Variants in IL1RL1 observed in about 807,000 individuals in gnomAD.
IL1RL1 encodes interleukin-1 receptor-like 1.
Under a neutral mutation model 50.9 loss-of-function variants are expected in IL1RL1, and 32 were observed. The observed-to-expected ratio is 0.63, with a 90% CI of 0.47 to 0.84. The LOEUF (loss-of-function observed/expected upper bound fraction) is 0.84, where lower values mean the gene tolerates loss of function less well. Ranked by LOEUF, IL1RL1 falls within the 40% of genes least tolerant of loss-of-function variation. The pLI is 0.00. For synonymous variants in IL1RL1, 275 were observed against 236.0 expected, an observed-to-expected ratio of 1.17 and a Z score of -1.51; for missense variants, 773 against 662.9, an observed-to-expected ratio of 1.17 and a Z score of -1.82.
chr2:102,331,523 T>C (rs1465714319), intron 1 of IL1RL1, among the ~76,000 whole-genome samples: 2 of 152,240 alleles, frequency 1.3e-5, no homozygotes, highest in Non-Finnish European at 2.9e-5. Context: ...TTCCTGAGTG[T>C]CTGCAGTCCA....
intron 1 of IL1RL1, among the ~76,000 whole-genome samples, 198 bp downstream of exon 1, chr2:102,311,821 A>G (rs1676482447): frequency 1.0e-5 from 1 of 98,584 alleles, no homozygotes; most frequent in Admixed American, 1.6e-4. Flanking sequence ...TAATACAATT[A>G]TATAATATAT....
chr2:102,311,569 T>C lies in IL1RL1; in HGVS notation c.-204T>C, dbSNP rs1426848951. 2 of 151,214 alleles carry C rather than the reference T, an allele frequency of 1.3e-5. No individual in the cohort carries two copies. Among genetic ancestry groups the C allele is most frequent in the Non-Finnish European group, 2.9e-5 (2 of 67,926 alleles). 9.4% of individuals were successfully genotyped at this position (151,214 alleles called of 1,614,324 possible). ...TAAGAGAAATTGGCTTTCTGAGTTG[T>C]GAAACTGTGGGCAGAAAGTTGAGGA... On this transcript the variant is annotated 5_prime_UTR_variant, in exon 1 of 11. Coordinates refer to ENST00000233954, the MANE Select transcript of IL1RL1 (RefSeq NM_016232.5).
At chr2:102,311,929 ATATT>A (rs1559592017) in intron 1 of IL1RL1, among the ~76,000 whole-genome samples, 5,656 of 51,450 alleles carry the variant, frequency 0.11, 768 homozygotes, top group Middle Eastern at 0.44. Flanking sequence ...TATATAATAT[ATATT>A]ATATATAATA....
In IL1RL1 at chr2:102,340,848, G is replaced by A. The variant is rs2104987995; in HGVS notation, c.610+20G>A. ...TCAAGGGTAAGCTACTGACATTAAT[G>A]AGATAGAATACTACGTGAAAGAAGT... is the stretch of plus-strand genomic sequence containing the variant. On this transcript the variant is annotated intron_variant, in intron 5 of 10. Coordinates refer to ENST00000233954, the MANE Select transcript of IL1RL1 (RefSeq NM_016232.5). The A allele has an allele frequency of 3.2e-6, 5 of 1,541,508 alleles. No individual in the cohort carries two copies. Among genetic ancestry groups the A allele is most frequent in the Non-Finnish European group, 4.3e-6 (5 of 1,152,382 alleles).
At chr2:102,311,859 T>TTATATAATATATATTATATAATATAA (rs1553659724) in intron 1 of IL1RL1, among the ~76,000 whole-genome samples, 1 of 45,544 alleles carries the variant, frequency 2.2e-5, no homozygotes, top group Non-Finnish European at 4.4e-5. Flanking sequence ...TATAATATAA[T>TTATATAATATATATTATATAATATAA]TATATAATAT....
At chr2:102,344,887 G>A in intron 8 of IL1RL1, 1 of 972,838 alleles carries the variant, frequency 1.0e-6, no homozygotes, top group Non-Finnish European at 1.2e-6. Flanking sequence ...AGTTTTTTCT[G>A]AATCTAGCAG....
rs3214363 is a variant in IL1RL1, at chr2:102,339,063, CT to C, written c.272+17del. The C allele has an allele frequency of 0.016, 25,314 of 1,571,804 alleles. 2,235 individuals carry two copies. In the African/African-American group the frequency reaches 0.22, roughly 14 times the overall value. On this transcript the variant is annotated intron_variant, in intron 3 of 10. Transcript: ENST00000233954. ...TTGTCAGAAGGTATTATGCAGAAGGCTCCCATCTTCTTTCACCCTGCTCCCC... is the reference window on the plus strand; with the variant it reads ...TTGTCAGAAGGTATTATGCAGAAGGCCCCATCTTCTTTCACCCTGCTCCCC...
At chr2:102,351,025 A>G (rs749838661) in intron 10 of IL1RL1, among the ~76,000 whole-genome samples, 1 of 152,172 alleles carries the variant, frequency 6.6e-6, no homozygotes, top group African/African-American at 2.4e-5. Flanking sequence ...TTTGGATCAA[A>G]TCAGTTTCTA....
At chr2:102,338,793 T>C in intron 2 of IL1RL1, 44 bp from the exon 3 acceptor site, 2 of 1,413,022 alleles carry the variant, frequency 1.4e-6, no homozygotes, top group South Asian at 1.2e-5. Flanking sequence ...TATGATCTTT[T>C]CATTTGATCA....
At position 102,340,813 on chromosome 2, in the gene IL1RL1, T is replaced by C. The variant is rs767622826; in HGVS notation, c.595T>C (p.Ser199Pro). The C allele has an allele frequency of 1.9e-6, 3 of 1,573,930 alleles. No homozygotes were observed. The South Asian group carries it at 3.5e-5, about 19-fold the overall frequency. The change falls in exon 5 of 11, where the codon TCC (serine) becomes CCC (proline). Residue 199 changes from serine (S) to proline (P), a missense_variant. By Grantham distance (74) the Ser-to-Pro change is moderately conservative. Coordinates refer to ENST00000233954, the MANE Select transcript of IL1RL1 (RefSeq NM_016232.5). ...CAATTATAGTGTGACGGCGACCAGG[T>C]CCTTCACGGTCAAGGGTAAGCTACT... is the stretch of plus-strand genomic sequence containing the variant. ...GANYSVTATR[S>P]FTVKDEQGFS...
At chr2:102,314,935 T>C (rs1558620) in intron 1 of IL1RL1, among the ~76,000 whole-genome samples, 72,712 of 151,884 alleles carry the variant, frequency 0.48, 17,703 homozygotes, top group Middle Eastern at 0.64. Context: ...AGTTGGGTGC[T>C]GGAAGATTCT....
At chr2:102,312,694 C>T (rs1676553314) in intron 1 of IL1RL1, among the ~76,000 whole-genome samples, 1 of 151,806 alleles carries the variant, frequency 6.6e-6, no homozygotes, top group South Asian at 2.1e-4. Flanking sequence ...AGAAGGCCCT[C>T]TTGAGTGAGG....
intron 1 of IL1RL1, among the ~76,000 whole-genome samples, chr2:102,331,910 A>G (rs111516925): frequency 6.6e-6 from 1 of 152,050 alleles, no homozygotes; most frequent in Non-Finnish European, 1.5e-5. Flanking sequence ...TCTACGAAAA[A>G]TACAAAAATT....
At chr2:102,352,045 A>G (rs1212378889), downstream of IL1RL1, 6 of 1,014,094 alleles carry the variant, frequency 5.9e-6, no homozygotes, top group African/African-American at 6.6e-5. Context: ...CTCAGGTTTC[A>G]TCTGGTAACT....
chr2:102,334,571 A>G (rs1331646381), intron 1 of IL1RL1, among the ~76,000 whole-genome samples: 3 of 150,854 alleles, frequency 2.0e-5, no homozygotes, highest in African/African-American at 7.3e-5. Context: ...TGATACCCAG[A>G]TGTCCTCTAG....
chr2:102,343,369 G>T lies in IL1RL1; in HGVS notation c.924G>T (p.Leu308Phe). The change falls in exon 8 of 11, where the codon TTG becomes TTT. Residue 308 changes from leucine to phenylalanine, a missense_variant. Leu to Phe is a conservative substitution (Grantham distance 22, BLOSUM62 0). Coordinates refer to ENST00000233954, the MANE Select transcript of IL1RL1 (RefSeq NM_016232.5). ...AGTACGACTGTCTGGCCCTGAATTTGCATGGCTTGAGAAGGCACACCGTAA... is the reference window on the plus strand; with the variant it reads ...AGTACGACTGTCTGGCCCTGAATTTTCATGGCTTGAGAAGGCACACCGTAA... Reference protein sequence around the residue: ...LLQYDCLALNLHGLRRHTVRL... With the variant: ...LLQYDCLALNFHGLRRHTVRL... 2 of 1,614,198 alleles carry T rather than the reference G, an allele frequency of 1.2e-6. No individual in the cohort carries two copies. Among genetic ancestry groups the T allele is most frequent in the Non-Finnish European group, 1.7e-6 (2 of 1,180,032 alleles).
At chr2:102,335,391 G>A (rs2310220) in intron 1 of IL1RL1, among the ~76,000 whole-genome samples, 115,140 of 151,938 alleles carry the variant, frequency 0.76, 44,494 homozygotes, top group African/African-American at 0.87. Context: ...ATTGGGGGGA[G>A]AAAAGCTTGA....
chr2:102,343,379 A>G lies in IL1RL1; in HGVS notation c.934A>G (p.Arg312Gly). ...DCLALNLHGL[R>G]RHTVRLSRKN... ...TCTGGCCCTGAATTTGCATGGCTTGAGAAGGCACACCGTAAGACTAAGTAG... is the reference window on the plus strand; with the variant it reads ...TCTGGCCCTGAATTTGCATGGCTTGGGAAGGCACACCGTAAGACTAAGTAG... The change falls in exon 8 of 11, where the codon AGA (arginine) becomes GGA (glycine). Residue 312 changes from arginine to glycine, a missense_variant. Physicochemically the swap from Arg to Gly is moderately radical, Grantham distance 125 (BLOSUM62 -2). Transcript: ENST00000233954. 6.2e-7 allele frequency: 1 copy of G among 1,614,220 alleles called. No individual in the cohort carries two copies. Among genetic ancestry groups the G allele is most frequent in the Non-Finnish European group, 8.5e-7 (1 of 1,180,032 alleles).
rs771270943 is a variant in IL1RL1 at position 102,342,211 on chromosome 2, T to G, written c.611-12T>G. On this transcript the variant is annotated splice_polypyrimidine_tract_variant and intron_variant, in intron 5 of 10. Transcript: ENST00000233954. ...TGCTCTCCTAATATTTATATTTCTT[T>G]TTGTCTTTAAGATGAGCAAGGCTTT... 4 of 1,586,176 alleles carry G rather than the reference T, an allele frequency of 2.5e-6. No individual in the cohort carries two copies. Among genetic ancestry groups the G allele is most frequent in the Non-Finnish European group, 3.5e-6 (4 of 1,155,362 alleles).
Sources: gnomAD v4.1 joint callset for allele counts (sites outside exome capture counted in the v4.1 genomes callset) on GRCh38, gnomAD v4.1.1 for gene constraint, MANE v1.5 for transcripts, NCBI Gene and HGNC (gene_info 2026-07-23, HGNC 2026-07-21) for gene names.